DNAH11: variants seen among roughly 807,000 people sequenced by gnomAD.
DNAH11 encodes axonemal beta dynein heavy chain 11.
In DNAH11, 442 loss-of-function variants were observed where a neutral mutation model predicts 526.0. The ratio of observed to expected loss-of-function variants is 0.84; its 90% CI spans 0.78 to 0.91. The LOEUF is 0.91. Among genes scored for constraint, DNAH11 ranks in the 40% least tolerant of loss-of-function variants. DNAH11 has a pLI of 0.00. For missense variants in DNAH11, 6,989 were observed against 5,448.7 expected (o/e 1.28, Z -8.90); for synonymous variants, 2,461 against 1,935.9 (o/e 1.27, Z -7.12).
rs202014541 is a variant in DNAH11 at position 21,765,576 on chromosome 7, C to A, written c.9089C>A (p.Thr3030Asn). The change falls in exon 55 of 82, where the codon ACC becomes AAC. Residue 3030 changes from threonine (T) to asparagine (N), a missense_variant. By Grantham distance (65) the Thr-to-Asn change is moderately conservative (BLOSUM62 0). Transcript: ENST00000409508. ...GTCAGCAGGAGGTTCATTGAGGAAA[C>A]CAAGGGAATTGAGGTATGCCGTGTC... Reference protein sequence around the residue: ...VSVSRRFIEETKGIEPVHKDS... With the variant: ...VSVSRRFIEENKGIEPVHKDS... 85 of 1,519,748 alleles carry A rather than the reference C, an allele frequency of 5.6e-5. No individual in the cohort carries two copies. In the South Asian group the frequency reaches 8.5e-4, roughly 15 times the overall value. 94.1% of individuals were successfully genotyped at this position (1,519,748 alleles called of 1,614,324 possible).
intron 73 of DNAH11, 56 bp from the exon 74 acceptor site, chr7:21,873,218 T>C (rs1042202075): frequency 1.5e-6 from 2 of 1,358,822 alleles, no homozygotes; most frequent in Non-Finnish European, 1.0e-6. Context: ...TGTAATCTTA[T>C]AATTCAAGTA....
chr7:21,744,769 T>C (rs769233284), intron 50 of DNAH11, 101 bp from the exon 51 acceptor site: 73 of 1,446,112 alleles, frequency 5.0e-5, no homozygotes, highest in Non-Finnish European at 6.5e-5. Flanking sequence ...CACCTACCCA[T>C]GTGTGGGTCT....
In DNAH11 at chr7:21,882,130, G is replaced by A. The variant is rs1014023339; in HGVS notation, c.12387+1237G>A. Among the ~76,000 whole-genome samples, 5 of 152,268 alleles carry A rather than the reference G, an allele frequency of 3.3e-5. No individual in the cohort carries two copies. In the East Asian group the frequency reaches 7.7e-4, roughly 24 times the overall value. On this transcript the variant is annotated intron_variant, in intron 75 of 81. Transcript: ENST00000409508. ...ATAACTGTCCTGTGAGGCTGCAACC[G>A]GGAATAGAATCGTATTTCAGCTGAA...
chr7:21,632,308 C>A (rs1009691996), intron 25 of DNAH11, among the ~76,000 whole-genome samples: 1 of 152,186 alleles, frequency 6.6e-6, no homozygotes, highest in African/African-American at 2.4e-5. Flanking sequence ...ATACATTTTC[C>A]CCATTGCCTT....
At chr7:21,632,622 A>G (rs1404618009) in intron 25 of DNAH11, among the ~76,000 whole-genome samples, 1 of 152,160 alleles carries the variant, frequency 6.6e-6, no homozygotes, top group Non-Finnish European at 1.5e-5. Context: ...ACATAACAAG[A>G]GTCACCTTTG....
chr7:21,830,642 C>G (rs1790511346), intron 65 of DNAH11, among the ~76,000 whole-genome samples: 2 of 151,962 alleles, frequency 1.3e-5, no homozygotes, highest in South Asian at 4.2e-4. Context: ...TGCCTCTAAG[C>G]TAAGCCACCT....
In DNAH11 at chr7:21,543,206, A is replaced by C; in HGVS notation, c.-40A>C. The stretch of plus-strand genomic sequence containing the variant: ...TTCGGGGGGCCCAGAGTCTCGGGTG[A>C]GGAGCCAGCCGGCCTCGCGTTCCCT... On this transcript the variant is annotated 5_prime_UTR_variant, in exon 1 of 82. Transcript: ENST00000409508. 6.8e-7 allele frequency: 1 copy of C among 1,480,640 alleles called. No homozygotes were observed. The highest frequency in any genetic ancestry group is 8.9e-7 in the Non-Finnish European group (1 of 1,119,944). The allele number at this position is 1,480,640 out of a possible 1,614,324, so 91.7% of individuals were successfully genotyped here.
intron 65 of DNAH11, among the ~76,000 whole-genome samples, chr7:21,840,767 G>A (rs568177906): frequency 6.6e-6 from 1 of 152,292 alleles, no homozygotes; most frequent in South Asian, 2.1e-4. Flanking sequence ...AATAGAATTA[G>A]CCTAGTGACT....
At chr7:21,766,274 T>G (rs1048039925) in intron 55 of DNAH11, among the ~76,000 whole-genome samples, 1 of 152,176 alleles carries the variant, frequency 6.6e-6, no homozygotes, top group African/African-American at 2.4e-5. Context: ...GATGTAGATA[T>G]GAGGTTATGA....
intron 51 of DNAH11, among the ~76,000 whole-genome samples, chr7:21,745,744 G>A (rs543319577): frequency 6.6e-6 from 1 of 152,348 alleles, no homozygotes; most frequent in African/African-American, 2.4e-5. Flanking sequence ...AGAAAGTGAT[G>A]TGTCATGCCA....
intron 65 of DNAH11, among the ~76,000 whole-genome samples, chr7:21,821,087 T>C (rs778010609): frequency 2.6e-5 from 4 of 152,114 alleles, no homozygotes; most frequent in Non-Finnish European, 5.9e-5. Context: ...TGGTAATTAA[T>C]TGGATATTAT....
chr7:21,798,900 G>A (rs1489988793), intron 61 of DNAH11, among the ~76,000 whole-genome samples: 1 of 151,930 alleles, frequency 6.6e-6, no homozygotes, highest in Non-Finnish European at 1.5e-5. Flanking sequence ...AATACATGGT[G>A]AGCTTATTAA....
intron 65 of DNAH11, among the ~76,000 whole-genome samples, chr7:21,828,388 A>C (rs117044481): frequency 6.6e-6 from 1 of 152,198 alleles, no homozygotes; most frequent in South Asian, 2.1e-4. Context: ...CTAATTTCCA[A>C]ATTCAAAATA....
intron 54 of DNAH11, among the ~76,000 whole-genome samples, chr7:21,753,019 G>C (rs1414215288): frequency 6.6e-6 from 1 of 152,132 alleles, no homozygotes; most frequent in Non-Finnish European, 1.5e-5. Context: ...ACTAGAAGCA[G>C]TCGGAACTCA....
At chr7:21,784,091 C>G (rs535968872) in intron 57 of DNAH11, among the ~76,000 whole-genome samples, 2 of 152,276 alleles carry the variant, frequency 1.3e-5, no homozygotes, top group African/African-American at 4.8e-5. Flanking sequence ...ATCCAGGACT[C>G]TCTGAAAAAG....
rs1299246435 is a variant in DNAH11, at chr7:21,622,621, T to C, written c.4500+2543T>C. On this transcript the variant is annotated intron_variant, in intron 25 of 81. Coordinates refer to ENST00000409508, the MANE Select transcript of DNAH11 (RefSeq NM_001277115.2). ...AGCATGGTACTGGTACCAAAACAGATATAGATCAATGGAACAGAACAGAGC... is the reference window on the plus strand; with the variant it reads ...AGCATGGTACTGGTACCAAAACAGACATAGATCAATGGAACAGAACAGAGC... Among the ~76,000 whole-genome samples the C allele has an allele frequency of 2.6e-5, 4 of 151,728 alleles. No homozygotes were observed. The East Asian group carries it at 7.8e-4, about 29-fold the overall frequency.
intron 61 of DNAH11, among the ~76,000 whole-genome samples, chr7:21,789,816 C>CTTTCTTTCTTTCTTTCTTT (rs1562547262): frequency 2.1e-4 from 15 of 70,144 alleles, no homozygotes; most frequent in Non-Finnish European, 3.8e-4. Context: ...TTTTTTCTTT[C>CTTTCTTTCTTTCTTTCTTT]TTTCTTTCTT....
intron 61 of DNAH11, among the ~76,000 whole-genome samples, chr7:21,795,266 G>A (rs1788659523): frequency 6.6e-6 from 1 of 152,164 alleles, no homozygotes; most frequent in Non-Finnish European, 1.5e-5. Flanking sequence ...GCGGATCCTA[G>A]TACCTAGTAC....
chr7:21,644,976 C>T (rs1787286591), intron 28 of DNAH11, among the ~76,000 whole-genome samples: 1 of 152,182 alleles, frequency 6.6e-6, no homozygotes, highest in Admixed American at 6.5e-5. Context: ...ACAATATGCA[C>T]AATTTTTTCT....
Sources: gnomAD v4.1 joint callset for allele counts (sites outside exome capture counted in the v4.1 genomes callset) on GRCh38, gnomAD v4.1.1 for gene constraint, MANE v1.5 for transcripts, NCBI Gene and HGNC (gene_info 2026-07-23, HGNC 2026-07-21) for gene names.